Variants in SNX29 observed in about 807,000 individuals in gnomAD.
The protein encoded by SNX29 is sorting nexin 29, also known as sorting nexin-29.
Under a neutral mutation model 102.1 loss-of-function variants are expected in SNX29, and 78 were observed. That is an observed-to-expected ratio of 0.76 (90% CI 0.64 to 0.92). The LOEUF (loss-of-function observed/expected upper bound fraction) is 0.92. Ranked by LOEUF, SNX29 falls within the 40% of genes least tolerant of loss-of-function variation. SNX29 has a pLI of 0.00. For synonymous variants in SNX29, 580 were observed against 414.5 expected (o/e 1.40, Z -4.85); for missense variants, 1,280 against 1,061.7 (o/e 1.21, Z -2.86).
chr16:12,454,847 C>G (rs979595673), intron 18 of SNX29, among the ~76,000 whole-genome samples: 3 of 151,434 alleles, frequency 2.0e-5, no homozygotes, highest in African/African-American at 4.9e-5. Flanking sequence ...CTCCCAGGTT[C>G]AGGCACTTCT....
intron 11 of SNX29, chr16:12,081,656 G>C (rs1367556395): frequency 1.6e-5 from 2 of 126,042 alleles, no homozygotes; most frequent in African/African-American, 6.1e-5. Flanking sequence ...CTGGGTGCCA[G>C]AGCGAGACTC....
chr16:12,557,153 T>C (rs1364223275), intron 20 of SNX29, among the ~76,000 whole-genome samples: 2 of 152,056 alleles, frequency 1.3e-5, no homozygotes, highest in Non-Finnish European at 2.9e-5. Flanking sequence ...CTGGTCACAA[T>C]TTCCATTTTG....
At chr16:12,374,480 G>A (rs1325839118) in intron 16 of SNX29, 2 of 152,254 alleles carry the variant, frequency 1.3e-5, no homozygotes, top group Non-Finnish European at 2.9e-5. Context: ...GAGGCGTGTA[G>A]CCCTGGTGAT....
At chr16:12,101,689 C>T (rs1170660379) in intron 11 of SNX29, among the ~76,000 whole-genome samples, 1 of 152,004 alleles carries the variant, frequency 6.6e-6, no homozygotes, top group African/African-American at 2.4e-5. Flanking sequence ...TGGCCTGACC[C>T]CCAGTTTTAA....
intron 8 of SNX29, among the ~76,000 whole-genome samples, chr16:12,058,296 C>G (rs532389635): frequency 1.6e-4 from 25 of 152,100 alleles, no homozygotes; most frequent in African/African-American, 5.8e-4. Context: ...TTTTCTCTCT[C>G]TTCTTTTGGG....
intron 20 of SNX29, among the ~76,000 whole-genome samples, chr16:12,566,675 G>C (rs1300659328): frequency 1.5e-5 from 2 of 136,336 alleles, no homozygotes; most frequent in Admixed American, 1.5e-4. Flanking sequence ...AGCATTCAGG[G>C]ATAAAGAGGC....
intron 13 of SNX29, among the ~76,000 whole-genome samples, chr16:12,138,770 A>G (rs765018074): frequency 6.6e-6 from 1 of 152,138 alleles, no homozygotes; most frequent in East Asian, 1.9e-4. Context: ...GAGTTGCTGT[A>G]GTGGACATGG....
At chr16:12,366,681 C>A (rs1312171776) in intron 16 of SNX29, among the ~76,000 whole-genome samples, 1 of 152,202 alleles carries the variant, frequency 6.6e-6, no homozygotes, top group Non-Finnish European at 1.5e-5. Context: ...CTCTTATATT[C>A]TGCATTTTCT....
intron 19 of SNX29, among the ~76,000 whole-genome samples, chr16:12,483,251 C>T (rs1044956817): frequency 1.3e-5 from 2 of 149,546 alleles, no homozygotes; most frequent in South Asian, 2.1e-4. Context: ...TCAGGTGATC[C>T]GCCCACCTTG....
chr16:12,568,731 C>T lies in SNX29; in HGVS notation c.*102C>T, dbSNP rs1364825100. 31 of 1,477,834 alleles carry T rather than the reference C, an allele frequency of 2.1e-5. No homozygotes were observed. The highest frequency in any genetic ancestry group is 2.8e-5 in the African/African-American group (2 of 71,296). The allele number at this position is 1,477,834 out of a possible 1,614,324, so 91.5% of individuals were successfully genotyped here. ...ACCTCAGCGTGACAACCACGTCCAC[C>T]TGGTGATCCTGAGAGCACACGATTC... On this transcript the variant is annotated 3_prime_UTR_variant, in exon 21 of 21. Transcript: ENST00000566228.
chr16:12,469,024 G>A (rs2151787595), intron 18 of SNX29, among the ~76,000 whole-genome samples: 1 of 152,306 alleles, frequency 6.6e-6, no homozygotes, highest in South Asian at 2.1e-4. Flanking sequence ...GAGACACAGG[G>A]GCTGCTCTTC....
chr16:12,232,460 G>T (rs1278006221), intron 14 of SNX29, among the ~76,000 whole-genome samples: 1 of 152,248 alleles, frequency 6.6e-6, no homozygotes, highest in African/African-American at 2.4e-5. Flanking sequence ...GGTGGAGGTT[G>T]CAGTGAGCCA....
At chr16:12,195,339 C>G (rs2076747163) in intron 13 of SNX29, among the ~76,000 whole-genome samples, 1 of 152,224 alleles carries the variant, frequency 6.6e-6, no homozygotes, top group African/African-American at 2.4e-5. Context: ...TCAAAGCATC[C>G]TCATGCATAT....
chr16:12,403,588 T>C (rs1273734830), intron 18 of SNX29, 59 bp downstream of exon 18: 3 of 1,495,908 alleles, frequency 2.0e-6, no homozygotes, highest in Non-Finnish European at 2.7e-6. Context: ...CCATTTGTCA[T>C]GCTGTGGTGC....
chr16:12,476,046 C>T (rs1360753495), intron 18 of SNX29, among the ~76,000 whole-genome samples: 3 of 151,880 alleles, frequency 2.0e-5, no homozygotes, highest in African/African-American at 7.3e-5. Flanking sequence ...GACAGCCAGG[C>T]GTGGTGGGTC....
At chr16:12,343,381 G>C (rs2081673038) in intron 15 of SNX29, among the ~76,000 whole-genome samples, 4 of 152,232 alleles carry the variant, frequency 2.6e-5, no homozygotes. Flanking sequence ...CGGAGATAAA[G>C]AGAAGCTGCC....
intron 13 of SNX29, among the ~76,000 whole-genome samples, chr16:12,151,659 A>T (rs2055307858): frequency 6.6e-6 from 1 of 151,764 alleles, no homozygotes; most frequent in Non-Finnish European, 1.5e-5. Flanking sequence ...CACCTCAGTC[A>T]TTTCCCCTCC....
chr16:12,282,431 C>T (rs1021292492), intron 15 of SNX29, among the ~76,000 whole-genome samples: 8 of 152,306 alleles, frequency 5.3e-5, no homozygotes, highest in East Asian at 3.9e-4. Context: ...TGTAGCAGAA[C>T]AGCAGAGTGA....
rs1316234549 is a variant in SNX29, at chr16:12,245,444, C to T, written c.1679-32489C>T. On this transcript the variant is annotated intron_variant, in intron 14 of 20. Coordinates refer to ENST00000566228, the MANE Select transcript of SNX29 (RefSeq NM_032167.5). ...AAAGATGACATGTTTGAATTCATGT[C>T]ATCTGCTTGGGTTTTGAATTATAGT... is the stretch of plus-strand genomic sequence containing the variant. 2.6e-5 allele frequency among the ~76,000 whole-genome samples: 4 copies of T among 151,086 alleles called. No homozygotes were observed. In the East Asian group the frequency reaches 7.8e-4, roughly 30 times the overall value.
Sources: allele counts gnomAD v4.1 joint callset (sites outside exome capture counted in the v4.1 genomes callset), GRCh38; gene constraint gnomAD v4.1.1; transcripts MANE v1.5; gene names NCBI Gene and HGNC (gene_info 2026-07-23, HGNC 2026-07-21).